Variants in SGCG observed in about 807,000 individuals in gnomAD.
The protein encoded by SGCG is gamma-sarcoglycan.
SGCG carries 26 observed loss-of-function variants against 29.3 expected under a neutral mutation model. The observed-to-expected ratio is 0.89, with a 90% CI of 0.65 to 1.23. The LOEUF (loss-of-function observed/expected upper bound fraction) is 1.23. SGCG is among the 50% of genes most tolerant of loss of function. The probability of loss-of-function intolerance (pLI) is 0.00; values close to 1 mark genes in which losing one functional copy is unlikely to be tolerated. For missense variants in SGCG, 353 were observed against 356.0 expected (o/e 0.99, Z 0.07); for synonymous variants, 145 against 129.7 (o/e 1.12, Z -0.80).
chr13:23,234,704 T>A lies in SGCG; in HGVS notation c.289T>A (p.Ser97Thr). Residue 97 changes from serine to threonine, a missense_variant, in exon 3 of 8, where the codon TCC becomes ACC. Physicochemically the swap from Ser to Thr is moderately conservative, Grantham distance 58 (BLOSUM62 1). Transcript: ENST00000218867. ...LFPLYAKEIH[S>T]RVDSSLLLQS... ...CCCATTGTATGCCAAAGAAATACAC[T>A]CCAGAGTGGTAAGAAAATGTTAAGA... 2 of 1,572,048 alleles carry A rather than the reference T, an allele frequency of 1.3e-6. No individual in the cohort carries two copies. Among genetic ancestry groups the A allele is most frequent in the Non-Finnish European group, 1.8e-6 (2 of 1,141,984 alleles).
chr13:23,201,830 G>C (rs950074714), intron 1 of SGCG, among the ~76,000 whole-genome samples: 4 of 152,110 alleles, frequency 2.6e-5, no homozygotes, highest in African/African-American at 9.7e-5. Flanking sequence ...CTTGCTTTTG[G>C]TTCAGACTCC....
intron 4 of SGCG, chr13:23,268,336 G>C (rs1880724366): frequency 2.6e-5 from 4 of 152,124 alleles, no homozygotes; most frequent in African/African-American, 9.7e-5. Context: ...TGTGACTAAA[G>C]AACCCCCCAG....
intron 1 of SGCG, among the ~76,000 whole-genome samples, chr13:23,182,881 G>C (rs370594734): frequency 1.1e-4 from 17 of 152,294 alleles, no homozygotes; most frequent in African/African-American, 4.1e-4. Context: ...CAGTCACATG[G>C]GTGCTTTGGA....
At chr13:23,322,899 C>T (rs2137532183) in intron 7 of SGCG, among the ~76,000 whole-genome samples, 1 of 152,118 alleles carries the variant, frequency 6.6e-6, no homozygotes, top group South Asian at 2.1e-4. Context: ...ATTCAGGACT[C>T]TTATCCGGCC....
At chr13:23,247,509 A>G (rs1482275598) in intron 3 of SGCG, among the ~76,000 whole-genome samples, 3 of 152,150 alleles carry the variant, frequency 2.0e-5, no homozygotes, top group Non-Finnish European at 4.4e-5. Context: ...TTCCCAATCT[A>G]AATCCCTGTC....
intron 4 of SGCG, among the ~76,000 whole-genome samples, chr13:23,255,728 G>C (rs1300878690): frequency 6.6e-6 from 1 of 152,134 alleles, no homozygotes; most frequent in African/African-American, 2.4e-5. Context: ...GGGGTTTTAA[G>C]GGTTTTTTTC....
chr13:23,243,212 A>G (rs1292822420), intron 3 of SGCG, among the ~76,000 whole-genome samples: 3 of 152,178 alleles, frequency 2.0e-5, no homozygotes, highest in African/African-American at 7.2e-5. Flanking sequence ...CTCACATAAC[A>G]GGAAGCTGGA....
intron 6 of SGCG, among the ~76,000 whole-genome samples, chr13:23,320,323 C>A (rs1023658049): frequency 6.6e-6 from 1 of 152,170 alleles, no homozygotes; most frequent in African/African-American, 2.4e-5. Context: ...ATGGCATTTT[C>A]TTCTGAAATA....
intron 6 of SGCG, among the ~76,000 whole-genome samples, chr13:23,319,025 C>A (rs769169568): frequency 6.6e-6 from 1 of 152,128 alleles, no homozygotes; most frequent in Non-Finnish European, 1.5e-5. Flanking sequence ...TGGGGCCAGG[C>A]GTGGTGGCTC....
intron 6 of SGCG, among the ~76,000 whole-genome samples, chr13:23,306,598 A>G (rs79681174): frequency 0.015 from 2,238 of 152,322 alleles, 26 homozygotes; most frequent in South Asian, 0.033. Context: ...GTGATCTAAC[A>G]CTGTTCGCAT....
chr13:23,209,440 AT>A (rs924299539), intron 2 of SGCG, among the ~76,000 whole-genome samples: 1 of 152,206 alleles, frequency 6.6e-6, no homozygotes, highest in Admixed American at 6.5e-5. Context: ...ACAATTAGTG[AT>A]TATTCATAGG....
intron 6 of SGCG, among the ~76,000 whole-genome samples, chr13:23,301,249 G>A (rs1882147514): frequency 6.6e-6 from 1 of 151,246 alleles, no homozygotes; most frequent in Non-Finnish European, 1.5e-5. Context: ...GCTCAAATGA[G>A]GAAAAAAATG....
intron 2 of SGCG, among the ~76,000 whole-genome samples, chr13:23,226,384 A>G (rs905055248): frequency 6.6e-6 from 1 of 152,128 alleles, no homozygotes; most frequent in Non-Finnish European, 1.5e-5. Flanking sequence ...CAAGAAAAAT[A>G]TATCTGTATG....
chr13:23,319,709 G>T (rs1882963203), intron 6 of SGCG, among the ~76,000 whole-genome samples: 1 of 152,098 alleles, frequency 6.6e-6, no homozygotes, highest in Non-Finnish European at 1.5e-5. Context: ...TCCGAATTAG[G>T]TATCTTTTTC....
At chr13:23,254,414 T>C (rs1164709002) in intron 4 of SGCG, among the ~76,000 whole-genome samples, 1 of 152,116 alleles carries the variant, frequency 6.6e-6, no homozygotes, top group African/African-American at 2.4e-5. Flanking sequence ...AGTGATGACT[T>C]CGTGTACTGC....
intron 5 of SGCG, among the ~76,000 whole-genome samples, chr13:23,288,011 C>CT (rs1321028480): frequency 1.3e-5 from 2 of 152,216 alleles, no homozygotes; most frequent in East Asian, 3.8e-4. Context: ...CCTCAGCCTC[C>CT]TAAAGTGCTG....
upstream of SGCG, among the ~76,000 whole-genome samples, chr13:23,177,033 G>A (rs1876579096): frequency 6.6e-6 from 1 of 152,146 alleles, no homozygotes; most frequent in African/African-American, 2.4e-5. Flanking sequence ...GTGTAATACT[G>A]TTCGGCCTTT....
At chr13:23,214,717 C>T (rs1174433155) in intron 2 of SGCG, among the ~76,000 whole-genome samples, 2 of 152,192 alleles carry the variant, frequency 1.3e-5, no homozygotes, top group South Asian at 2.1e-4. Context: ...AAACCACCTG[C>T]ATCTCCATCC....
chr13:23,279,402 C>T lies in SGCG; in HGVS notation c.429C>T (p.Asn143=), dbSNP rs1881215456. 3 of 1,613,194 alleles carry T rather than the reference C, an allele frequency of 1.9e-6. No individual in the cohort carries two copies. The highest frequency in any genetic ancestry group is 2.5e-6 in the Non-Finnish European group (3 of 1,179,456). Residue 143 remains asparagine, a synonymous_variant, in exon 5 of 8, where the codon AAC becomes AAT. Coordinates refer to ENST00000218867, the MANE Select transcript of SGCG (RefSeq NM_000231.3). ...TCCAGAATCAACAGTTTCAGATCAA[C>T]TCCAACGACGGCAAGCCACTATTTA... ...VEVQNQQFQI[N]SNDGKPLFTV...
Sources: allele counts gnomAD v4.1 joint callset (sites outside exome capture counted in the v4.1 genomes callset), GRCh38; gene constraint gnomAD v4.1.1; transcripts MANE v1.5; gene names NCBI Gene and HGNC (gene_info 2026-07-23, HGNC 2026-07-21).